Variants in OR4E2 observed in about 807,000 individuals in gnomAD.
OR4E2 encodes olfactory receptor 4E2.
In OR4E2, 9 loss-of-function variants were observed where a neutral mutation model predicts 11.0. The observed-to-expected ratio is 0.82, with a 90% CI of 0.49 to 1.43. The LOEUF is 1.43. Among genes scored for constraint, OR4E2 ranks in the 40% most tolerant of loss-of-function variants. OR4E2 has a pLI of 0.00. For missense variants in OR4E2, 441 were observed against 382.0 expected, an observed-to-expected ratio of 1.15 and a Z score of -1.29; for synonymous variants, 159 against 147.3, an observed-to-expected ratio of 1.08 and a Z score of -0.57.
At chr14:21,658,678 G>T (rs1437896136) in intron 2 of OR4E2, among the ~76,000 whole-genome samples, 1 of 152,170 alleles carries the variant, frequency 6.6e-6, no homozygotes, top group Non-Finnish European at 1.5e-5. Context: ...CTCTTCAGAG[G>T]TATGATTTCA....
At chr14:21,657,300 C>T (rs1408667002) in intron 2 of OR4E2, among the ~76,000 whole-genome samples, 1 of 151,976 alleles carries the variant, frequency 6.6e-6, no homozygotes, top group Non-Finnish European at 1.5e-5. Flanking sequence ...CTCACCATGA[C>T]TACATCATTG....
chr14:21,659,158 C>T (rs1218770778), intron 2 of OR4E2, among the ~76,000 whole-genome samples: 1 of 152,034 alleles, frequency 6.6e-6, no homozygotes, highest in Non-Finnish European at 1.5e-5. Flanking sequence ...GCTTCAGTCT[C>T]TGGAGTAGCT....
chr14:21,662,920 C>A (rs933713015), intron 3 of OR4E2, among the ~76,000 whole-genome samples: 1 of 151,902 alleles, frequency 6.6e-6, no homozygotes, highest in Non-Finnish European at 1.5e-5. Flanking sequence ...TATTTCCCAA[C>A]GGTTATAGTT....
chr14:21,663,265 G>A (rs1880435229), intron 3 of OR4E2, among the ~76,000 whole-genome samples: 1 of 152,128 alleles, frequency 6.6e-6, no homozygotes, highest in Non-Finnish European at 1.5e-5. Context: ...GGATCACGAG[G>A]TCAGGAGATT....
intron 3 of OR4E2, among the ~76,000 whole-genome samples, chr14:21,663,508 G>A (rs1017929982): frequency 2.6e-5 from 4 of 151,730 alleles, no homozygotes; most frequent in African/African-American, 9.7e-5. Context: ...TTGATTTAGT[G>A]GAGAGCAAAA....
rs73588723 is a variant in OR4E2, at chr14:21,658,218, A to C, written c.-103+1629A>C. On this transcript the variant is annotated intron_variant, in intron 2 of 3. Transcript: ENST00000641524. Reference sequence around the variant, plus strand: ...GCAAAAGCTGGGAAAGCCACAAAACACCTCTGAAGCTTACCTGCATCCCAT... The same window carrying C: ...GCAAAAGCTGGGAAAGCCACAAAACCCCTCTGAAGCTTACCTGCATCCCAT... Among the ~76,000 whole-genome samples, 1,183 of 152,200 alleles carry C rather than the reference A, an allele frequency of 7.8e-3. 14 individuals carry two copies. The highest frequency in any genetic ancestry group is 0.027 in the African/African-American group (1,111 of 41,506).
At chr14:21,657,209 A>C (rs1255025203) in intron 2 of OR4E2, among the ~76,000 whole-genome samples, 1 of 152,132 alleles carries the variant, frequency 6.6e-6, no homozygotes, top group Non-Finnish European at 1.5e-5. Context: ...TGTTCTGGAG[A>C]AGATTTGGAG....
chr14:21,665,815 A>C lies in OR4E2; in HGVS notation c.733A>C (p.Met245Leu). 6.2e-7 allele frequency: 1 copy of C among 1,613,392 alleles called. No homozygotes were observed. The highest frequency in any genetic ancestry group is 8.5e-7 in the Non-Finnish European group (1 of 1,179,622). Residue 245 changes from methionine to leucine, a missense_variant, in exon 4 of 4, where the codon ATG (methionine) becomes CTG (leucine). Coordinates refer to ENST00000641524, the MANE Select transcript of OR4E2 (RefSeq NM_001001912.3). ...KALSTCSAHF[M>L]VVALFFGPCI... is the part of the protein sequence containing the mutation. Reference sequence around the variant, plus strand: ...CCTGTCTACCTGCTCGGCCCACTTCATGGTGGTTGCCCTCTTCTTTGGGCC... The same window carrying C: ...CCTGTCTACCTGCTCGGCCCACTTCCTGGTGGTTGCCCTCTTCTTTGGGCC...
intron 2 of OR4E2, 21 bp downstream of exon 2, chr14:21,656,610 C>A (rs1263092666): frequency 6.6e-6 from 1 of 152,166 alleles, no homozygotes; most frequent in East Asian, 1.9e-4. Context: ...CCACTACCTG[C>A]GCTGCTTGTC....
At chr14:21,655,414 T>G (rs1384478962) in intron 1 of OR4E2, among the ~76,000 whole-genome samples, 1 of 152,208 alleles carries the variant, frequency 6.6e-6, no homozygotes, top group African/African-American at 2.4e-5. Flanking sequence ...CCTATAATCC[T>G]GGCTACTCAG....
intron 2 of OR4E2, among the ~76,000 whole-genome samples, chr14:21,658,996 A>G (rs908352329): frequency 6.6e-6 from 1 of 152,124 alleles, no homozygotes; most frequent in Non-Finnish European, 1.5e-5. Context: ...ATTTTTCATA[A>G]TTCTTCCTTG....
In OR4E2 at chr14:21,665,161, T is replaced by G. The variant is rs368602495; in HGVS notation, c.79T>G (p.Phe27Val). The G allele has an allele frequency of 1.9e-6, 3 of 1,613,882 alleles. No homozygotes were observed. Among genetic ancestry groups the G allele is most frequent in the African/African-American group, 1.3e-5 (1 of 74,890 alleles). ...LTDNRVLEML[F>V]FMAFSAIYML... ...TGATAACCGGGTGCTGGAAATGCTG[T>G]TTTTCATGGCATTCTCAGCCATTTA... is the stretch of plus-strand genomic sequence containing the variant. The change falls in exon 4 of 4, where the codon TTT (phenylalanine) becomes GTT (valine). Residue 27 changes from phenylalanine to valine, a missense_variant. By Grantham distance (50) the Phe-to-Val change is conservative (BLOSUM62 -1). Coordinates refer to ENST00000641524, the MANE Select transcript of OR4E2 (RefSeq NM_001001912.3).
At chr14:21,664,493 T>C (rs1442120002) in intron 3 of OR4E2, among the ~76,000 whole-genome samples, 1 of 152,158 alleles carries the variant, frequency 6.6e-6, no homozygotes, top group African/African-American at 2.4e-5. Flanking sequence ...GAATAGAGTG[T>C]ATGTTTTCTG....
rs1331617336 is a variant in OR4E2, at chr14:21,667,231, AATTG to A, written c.*1212_*1215del. The A allele has an allele frequency of 2.0e-5, 3 of 152,178 alleles. No homozygotes were observed. Among genetic ancestry groups the A allele is most frequent in the South Asian group, 4.1e-4 (2 of 4,836 alleles). 9.4% of individuals were successfully genotyped at this position (152,178 alleles called of 1,614,324 possible). Reference sequence around the variant, plus strand: ...TTTGCTTATTCTGAAAAAAATTTATAATTGATTGGGGTCTTTGTCACTATTTTCC... The same window carrying A: ...TTTGCTTATTCTGAAAAAAATTTATAATTGGGGTCTTTGTCACTATTTTCC... On this transcript the variant is annotated 3_prime_UTR_variant, in exon 4 of 4. Coordinates refer to ENST00000641524, the MANE Select transcript of OR4E2 (RefSeq NM_001001912.3).
chr14:21,663,912 G>A (rs529384298), intron 3 of OR4E2, among the ~76,000 whole-genome samples: 1 of 152,274 alleles, frequency 6.6e-6, no homozygotes, highest in Admixed American at 6.5e-5. Flanking sequence ...GTCTATCCAT[G>A]TCCCTGCAAA....
Position 21,664,152 on chromosome 14 carries a change from G to T in OR4E2, c.-8-923G>T, listed in dbSNP as rs569757940. ...ATTGCTGGGTCAAATGGTATTTCTG[G>T]TTCTAGATCTTTGAGGAATCACCAC... On this transcript the variant is annotated intron_variant, in intron 3 of 3. Transcript: ENST00000641524. Among the ~76,000 whole-genome samples, 4 of 152,234 alleles carry T rather than the reference G, an allele frequency of 2.6e-5. No homozygotes were observed. The South Asian group carries it at 6.2e-4, about 24-fold the overall frequency.
intron 3 of OR4E2, among the ~76,000 whole-genome samples, chr14:21,663,488 T>A (rs12432413): frequency 0.86 from 129,420 of 150,554 alleles, 55,656 homozygotes; most frequent in African/African-American, 0.9. Flanking sequence ...TCGAAAAAAA[T>A]TTTTTTTTTT....
Position 21,665,942 on chromosome 14 carries a change from A to G in OR4E2, c.860A>G (p.Tyr287Cys). ...VVTPLLNPFI[Y>C]TLRNEEVKSA... is the part of the protein sequence containing the mutation. ...ACCCCTTTGCTGAATCCCTTCATTT[A>G]CACCTTGAGGAATGAGGAGGTAAAA... The change falls in exon 4 of 4, where the codon TAC (tyrosine) becomes TGC (cysteine). Residue 287 changes from tyrosine to cysteine, a missense_variant. By Grantham distance (194) the Tyr-to-Cys change is radical. Transcript: ENST00000641524. 1 of 1,613,790 alleles carries G rather than the reference A, an allele frequency of 6.2e-7. No individual in the cohort carries two copies. The highest frequency in any genetic ancestry group is 1.1e-5 in the South Asian group (1 of 91,000).
Position 21,665,258 on chromosome 14 carries a change from T to C in OR4E2, c.176T>C (p.Met59Thr), listed in dbSNP as rs760513863. The C allele has an allele frequency of 4.3e-6, 7 of 1,614,018 alleles. No homozygotes were observed. The highest frequency in any genetic ancestry group is 5.9e-6 in the Non-Finnish European group (7 of 1,180,006). ...TVFTPSLHTP[M>T]YFFLSNLSFI... ...TTTACTCCAAGTCTCCATACCCCCA[T>C]GTATTTCTTCCTGAGCAATCTGTCC... The change falls in exon 4 of 4, where the codon ATG (methionine) becomes ACG (threonine). Residue 59 changes from methionine to threonine, a missense_variant. Transcript: ENST00000641524.
Sources: gnomAD v4.1 joint callset for allele counts (sites outside exome capture counted in the v4.1 genomes callset) on GRCh38, gnomAD v4.1.1 for gene constraint, MANE v1.5 for transcripts, NCBI Gene and HGNC (gene_info 2026-07-23, HGNC 2026-07-21) for gene names.